The following DSCAML1 variants were observed in gnomAD, a reference collection of about 807,000 sequenced individuals.
The protein encoded by DSCAML1 is DS cell adhesion molecule like 1, also known as cell adhesion molecule DSCAML1.
DSCAML1 carries 38 observed loss-of-function variants against 200.5 expected under a neutral mutation model. The ratio of observed to expected loss-of-function variants is 0.19; its 90% CI spans 0.15 to 0.25. The LOEUF is 0.25. Ranked by LOEUF, DSCAML1 falls within the 10% of genes least tolerant of loss-of-function variation. DSCAML1 has a pLI of 1.00. For synonymous variants in DSCAML1, 1,215 were observed against 1,165.0 expected (o/e 1.04, Z -0.87); for missense variants, 2,223 against 2,858.8 (o/e 0.78, Z 5.07).
intron 3 of DSCAML1, among the ~76,000 whole-genome samples, chr11:117,597,199 A>C (rs1339581733): frequency 1.3e-5 from 2 of 152,244 alleles, no homozygotes; most frequent in Non-Finnish European, 2.9e-5. Flanking sequence ...TATGGAAATT[A>C]GTTTCCACAC....
At chr11:117,582,394 A>G (rs77967735) in intron 3 of DSCAML1, among the ~76,000 whole-genome samples, 12,709 of 152,266 alleles carry the variant, frequency 0.083, 548 homozygotes, top group Middle Eastern at 0.15. Flanking sequence ...TGGGTCTCCA[A>G]GGATCTTGGC....
At chr11:117,814,213 CT>C (rs1294979132) in intron 1 of DSCAML1, among the ~76,000 whole-genome samples, 2 of 152,210 alleles carry the variant, frequency 1.3e-5, no homozygotes, top group East Asian at 1.9e-4. Context: ...GGCCCCACCC[CT>C]ATCTCCCTTC....
intron 3 of DSCAML1, among the ~76,000 whole-genome samples, chr11:117,752,116 T>C (rs957960354): frequency 6.6e-6 from 1 of 152,188 alleles, no homozygotes; most frequent in African/African-American, 2.4e-5. Context: ...AGAACAAGCC[T>C]TCTCATTTCT....
At chr11:117,650,785 C>T (rs1191294781) in intron 3 of DSCAML1, among the ~76,000 whole-genome samples, 1 of 151,738 alleles carries the variant, frequency 6.6e-6, no homozygotes. Flanking sequence ...TTGAGGGCTG[C>T]TCAGGACTCG....
intron 3 of DSCAML1, 122 bp from the exon 4 acceptor site, chr11:117,532,644 G>A: frequency 9.7e-7 from 1 of 1,025,932 alleles, no homozygotes; most frequent in Non-Finnish European, 1.4e-6. Context: ...AGAAATGGTA[G>A]TAATTGTTCC....
intron 3 of DSCAML1, among the ~76,000 whole-genome samples, chr11:117,712,240 TC>T: frequency 6.6e-6 from 1 of 152,220 alleles, no homozygotes; most frequent in South Asian, 2.1e-4. Context: ...ACTCCCTTCA[TC>T]CCCTGAAGAA....
intron 11 of DSCAML1, among the ~76,000 whole-genome samples, chr11:117,496,222 C>T (rs1041903761): frequency 1.3e-5 from 2 of 152,200 alleles, no homozygotes; most frequent in Non-Finnish European, 2.9e-5. Context: ...AGCTTCCTAA[C>T]GAGTCTGTAT....
At chr11:117,428,884 G>A (rs2047724356) in intron 32 of DSCAML1, 81 bp from the exon 33 acceptor site, 4 of 1,345,390 alleles carry the variant, frequency 3.0e-6, no homozygotes, top group African/African-American at 1.5e-5. Context: ...CCCATCCCCT[G>A]CCCCCAGTCT....
intron 3 of DSCAML1, among the ~76,000 whole-genome samples, chr11:117,742,647 G>A (rs2054443133): frequency 6.6e-6 from 1 of 152,144 alleles, no homozygotes; most frequent in Non-Finnish European, 1.5e-5. Flanking sequence ...AGCATCCAGG[G>A]TCCTTGGACT....
chr11:117,550,389 A>C (rs1421154881), intron 3 of DSCAML1, among the ~76,000 whole-genome samples: 1 of 152,132 alleles, frequency 6.6e-6, no homozygotes, highest in Non-Finnish European at 1.5e-5. Flanking sequence ...ACATTCCTTC[A>C]GGACAGAGGC....
chr11:117,716,211 C>G (rs1305126862), intron 3 of DSCAML1, among the ~76,000 whole-genome samples: 2 of 152,200 alleles, frequency 1.3e-5, no homozygotes, highest in Non-Finnish European at 2.9e-5. Context: ...CCTGGAGGCC[C>G]TTTTATTTTA....
intron 3 of DSCAML1, among the ~76,000 whole-genome samples, chr11:117,703,964 C>T (rs1439358308): frequency 1.3e-5 from 2 of 152,174 alleles, no homozygotes; most frequent in Admixed American, 6.5e-5. Context: ...GTAACATTAT[C>T]CCCATTTTAC....
At position 117,656,496 on chromosome 11, in the gene DSCAML1, CATCTATCTATCTATCTATCTATCTATCT is replaced by C. The variant is rs71469141; in HGVS notation, c.511+120267_511+120294del. ...GACTGTTCTAAACATTTACCTAAAT[CATCTATCTATCTATCTATCTATCTATCT>C]ATCTATCTATCTATCTATCTATCCA... On this transcript the variant is annotated intron_variant, in intron 3 of 32. Coordinates refer to ENST00000651296, the MANE Select transcript of DSCAML1 (RefSeq NM_020693.4). Among the ~76,000 whole-genome samples, 1,099 of 147,396 alleles carry C rather than the reference CATCTATCTATCTATCTATCTATCTATCT, an allele frequency of 7.5e-3. 20 individuals are homozygous for C. The East Asian group carries it at 0.09, about 12-fold the overall frequency.
At chr11:117,767,095 C>A (rs531271490) in intron 3 of DSCAML1, among the ~76,000 whole-genome samples, 3 of 152,204 alleles carry the variant, frequency 2.0e-5, no homozygotes, top group Admixed American at 6.5e-5. Flanking sequence ...TAAGATGATG[C>A]CGGTGAACGG....
At chr11:117,619,149 C>T (rs1426877738) in intron 3 of DSCAML1, among the ~76,000 whole-genome samples, 5 of 152,186 alleles carry the variant, frequency 3.3e-5, no homozygotes, top group East Asian at 1.9e-4. Flanking sequence ...ATATGCTTCC[C>T]GTAAGGGCTG....
chr11:117,709,689 G>C (rs1358321029), intron 3 of DSCAML1: 1 of 455,116 alleles, frequency 2.2e-6, no homozygotes, highest in East Asian at 6.9e-5. Context: ...CTTCTTTCTG[G>C]TTTCACTGGC....
At chr11:117,601,954 C>T (rs536673973) in intron 3 of DSCAML1, among the ~76,000 whole-genome samples, 18 of 152,358 alleles carry the variant, frequency 1.2e-4, no homozygotes, top group Admixed American at 2.6e-4. Context: ...GCCCTGTGTC[C>T]AATCCCCAAA....
intron 1 of DSCAML1, among the ~76,000 whole-genome samples, chr11:117,790,560 C>T (rs1471889720): frequency 6.6e-6 from 1 of 152,244 alleles, no homozygotes. Flanking sequence ...AATTATGCCT[C>T]ACATTTCAGC....
chr11:117,638,126 C>T (rs1157585398), intron 3 of DSCAML1, among the ~76,000 whole-genome samples: 1 of 152,124 alleles, frequency 6.6e-6, no homozygotes, highest in African/African-American at 2.4e-5. Context: ...CTGGGTGGCT[C>T]CAGGGGGAGA....
Sources: allele counts gnomAD v4.1 joint callset (sites outside exome capture counted in the v4.1 genomes callset), GRCh38; gene constraint gnomAD v4.1.1; transcripts MANE v1.5; gene names NCBI Gene and HGNC (gene_info 2026-07-23, HGNC 2026-07-21).